Variants in HEPHL1 observed in about 807,000 individuals in gnomAD.
HEPHL1 encodes the protein hephaestin like 1.
HEPHL1 carries 123 observed loss-of-function variants against 122.0 expected under a neutral mutation model. The observed-to-expected ratio is 1.01, with a 90% CI of 0.87 to 1.17. HEPHL1 has a LOEUF of 1.17. Among genes scored for constraint, HEPHL1 ranks in the 50% most tolerant of loss-of-function variants. HEPHL1 has a pLI of 0.00. For synonymous variants in HEPHL1, 527 were observed against 508.9 expected, an observed-to-expected ratio of 1.04 and a Z score of -0.48; for missense variants, 1,452 against 1,430.5, an observed-to-expected ratio of 1.01 and a Z score of -0.24.
chr11:94,111,322 G>C (rs1180450781), intron 18 of HEPHL1, among the ~76,000 whole-genome samples: 1 of 152,200 alleles, frequency 6.6e-6, no homozygotes, highest in African/African-American at 2.4e-5. Context: ...CAGAGGCCAT[G>C]ATGCTCCAGA....
chr11:94,036,762 C>T (rs1472861191), intron 1 of HEPHL1, among the ~76,000 whole-genome samples: 2 of 150,852 alleles, frequency 1.3e-5, no homozygotes, highest in Non-Finnish European at 2.9e-5. Context: ...CGGTGTGAAC[C>T]CGGAAGGCGG....
chr11:94,110,114 G>A (rs1946436908), intron 17 of HEPHL1, among the ~76,000 whole-genome samples: 2 of 152,146 alleles, frequency 1.3e-5, no homozygotes, highest in African/African-American at 4.8e-5. Flanking sequence ...TGGATAAGAG[G>A]TGTTTGTCCA....
intron 17 of HEPHL1, among the ~76,000 whole-genome samples, chr11:94,108,554 T>G (rs891468104): frequency 1.3e-5 from 2 of 152,072 alleles, no homozygotes; most frequent in African/African-American, 4.8e-5. Context: ...AGGGCTCTGA[T>G]ACATTTTAAT....
chr11:94,101,470 G>A, intron 14 of HEPHL1, 135 bp downstream of exon 14: 1 of 872,406 alleles, frequency 1.1e-6, no homozygotes, highest in Non-Finnish European at 1.7e-6. Context: ...TCTGGTATGA[G>A]ATCATCATTC....
rs776360591 is a variant in HEPHL1, at chr11:94,111,073, T to C, written c.3208+8T>C. 1 of 1,559,168 alleles carries C rather than the reference T, an allele frequency of 6.4e-7. No individual in the cohort carries two copies. Among genetic ancestry groups the C allele is most frequent in the Non-Finnish European group, 8.7e-7 (1 of 1,148,280 alleles). On this transcript the variant is annotated splice_region_variant and intron_variant, in intron 18 of 19. Transcript: ENST00000315765. Reference sequence around the variant, plus strand: ...CGGTCCTTCGTAACATAGGTACGGTTGTCTGTCAGTGATGCCAGATGATGG... The same window carrying C: ...CGGTCCTTCGTAACATAGGTACGGTCGTCTGTCAGTGATGCCAGATGATGG...
chr11:94,091,207 G>T (rs1946261819), intron 12 of HEPHL1, among the ~76,000 whole-genome samples: 1 of 152,094 alleles, frequency 6.6e-6, no homozygotes, highest in Non-Finnish European at 1.5e-5. Context: ...TACTCCACCA[G>T]TTTTTGCTCA....
intron 13 of HEPHL1, among the ~76,000 whole-genome samples, chr11:94,096,313 G>A (rs1182874257): frequency 6.6e-6 from 1 of 152,158 alleles, no homozygotes. Flanking sequence ...TTTATGTGAT[G>A]GATTACGTTT....
At chr11:94,087,387 A>G (rs1225765630) in intron 11 of HEPHL1, among the ~76,000 whole-genome samples, 2 of 152,124 alleles carry the variant, frequency 1.3e-5, no homozygotes, top group Admixed American at 1.3e-4. Flanking sequence ...GAGCTTCACA[A>G]CAGTGTTTTC....
rs887666579 is a variant in HEPHL1, at chr11:94,033,680, G to T, written c.171-11993G>T. 3.3e-5 allele frequency among the ~76,000 whole-genome samples: 5 copies of T among 152,184 alleles called. No individual in the cohort carries two copies. The East Asian group carries it at 9.6e-4, about 29-fold the overall frequency. On this transcript the variant is annotated intron_variant, in intron 1 of 19. Coordinates refer to ENST00000315765, the MANE Select transcript of HEPHL1 (RefSeq NM_001098672.2). ...CTATGCTTTTCAGCAAATAGAGTTT[G>T]CAACACCATCCCAGCTTTAGCTTGC...
Position 94,088,936 on chromosome 11 carries a change from C to G in HEPHL1, c.2262C>G (p.Phe754Leu), listed in dbSNP as rs116956001. 65 of 1,613,894 alleles carry G rather than the reference C, an allele frequency of 4.0e-5. No homozygotes were observed. In the East Asian group the frequency reaches 8.7e-4, roughly 22 times the overall value. Residue 754 changes from phenylalanine to leucine, a missense_variant, in exon 12 of 20, where the codon TTC becomes TTG. By Grantham distance (22) the Phe-to-Leu change is conservative (BLOSUM62 0). Coordinates refer to ENST00000315765, the MANE Select transcript of HEPHL1 (RefSeq NM_001098672.2). ...ATGCCCCTAACAAAAACTGGGAGTT[C>G]GAAAAGCAGCACGTGGACGCAAGAG... Reference protein sequence around the residue: ...WDYAPNKNWEFEKQHVDARGE... With the variant: ...WDYAPNKNWELEKQHVDARGE...
chr11:94,032,903 A>C (rs1283964237), intron 1 of HEPHL1, among the ~76,000 whole-genome samples: 2 of 152,102 alleles, frequency 1.3e-5, no homozygotes, highest in Admixed American at 1.3e-4. Flanking sequence ...TTCCACTGGT[A>C]AGGGAAGAAT....
Position 94,038,234 on chromosome 11 carries a change from T to G in HEPHL1, c.171-7439T>G, listed in dbSNP as rs901507682. The stretch of plus-strand genomic sequence containing the variant: ...ATGGGACTATGTGAAAAGACCAAAT[T>G]TACGTCCGATTGGTGTACCTGAAAG... On this transcript the variant is annotated intron_variant, in intron 1 of 19. Coordinates refer to ENST00000315765, the MANE Select transcript of HEPHL1 (RefSeq NM_001098672.2). Among the ~76,000 whole-genome samples the G allele has an allele frequency of 1.5e-4, 23 of 151,192 alleles. No homozygotes were observed. In the South Asian group the frequency reaches 4.0e-3, roughly 26 times the overall value.
intron 9 of HEPHL1, among the ~76,000 whole-genome samples, chr11:94,079,445 G>T (rs572647317): frequency 6.6e-6 from 1 of 152,212 alleles, no homozygotes; most frequent in Non-Finnish European, 1.5e-5. Flanking sequence ...TTATACCACT[G>T]CCTTCTAAAG....
intron 9 of HEPHL1, among the ~76,000 whole-genome samples, chr11:94,080,276 C>T (rs1450497982): frequency 1.3e-5 from 2 of 152,164 alleles, no homozygotes; most frequent in Non-Finnish European, 2.9e-5. Context: ...CCCTTCCTTA[C>T]ACCTTATACA....
At chr11:94,023,400 T>C (rs1305342310) in intron 1 of HEPHL1, among the ~76,000 whole-genome samples, 2 of 152,216 alleles carry the variant, frequency 1.3e-5, no homozygotes, top group African/African-American at 2.4e-5. Flanking sequence ...AAACAAGTTA[T>C]CTGGGTTAAT....
At chr11:94,103,095 G>T (rs926599053) in intron 15 of HEPHL1, 75 bp downstream of exon 15, 3 of 851,810 alleles carry the variant, frequency 3.5e-6, no homozygotes, top group Non-Finnish European at 6.1e-6. Flanking sequence ...TCACAATTTG[G>T]GTTGGTATAT....
At chr11:94,099,300 T>C (rs1185452763) in intron 13 of HEPHL1, among the ~76,000 whole-genome samples, 1 of 152,208 alleles carries the variant, frequency 6.6e-6, no homozygotes, top group Non-Finnish European at 1.5e-5. Flanking sequence ...TTTGCCTGGA[T>C]ATCAGCAGCG....
At chr11:94,074,166 T>G (rs891401938) in intron 8 of HEPHL1, among the ~76,000 whole-genome samples, 1 of 152,034 alleles carries the variant, frequency 6.6e-6, no homozygotes. Flanking sequence ...GTGGTGATAG[T>G]GAGGGGACAG....
chr11:94,035,058 C>G (rs150825441), intron 1 of HEPHL1, among the ~76,000 whole-genome samples: 121 of 152,308 alleles, frequency 7.9e-4, no homozygotes, highest in African/African-American at 2.9e-3. Flanking sequence ...AATGCCTTAG[C>G]CAAGCACTCA....
Sources: allele counts gnomAD v4.1 joint callset (sites outside exome capture counted in the v4.1 genomes callset), GRCh38; gene constraint gnomAD v4.1.1; transcripts MANE v1.5; gene names NCBI Gene and HGNC (gene_info 2026-07-23, HGNC 2026-07-21).